The following WWOX variants were observed in gnomAD, a reference collection of about 807,000 sequenced individuals.
WWOX encodes the protein WW domain containing oxidoreductase, also known as WW domain-containing oxidoreductase.
Under a neutral mutation model 46.2 loss-of-function variants are expected in WWOX, and 69 were observed. The observed-to-expected ratio is 1.49, with a 90% CI of 1.23 to 1.82. The LOEUF (loss-of-function observed/expected upper bound fraction) is 1.82, where lower values mean the gene tolerates loss of function less well. Ranked by LOEUF, WWOX falls within the 40% of genes most tolerant of loss-of-function variation. The pLI, the probability that WWOX is intolerant of heterozygous loss-of-function variation, is 0.00. For synonymous variants in WWOX, 359 were observed against 202.6 expected, an observed-to-expected ratio of 1.77 and a Z score of -6.56; for missense variants, 919 against 542.6, an observed-to-expected ratio of 1.69 and a Z score of -6.89.
intron 8 of WWOX, among the ~76,000 whole-genome samples, chr16:78,457,033 G>C (rs1597111562): frequency 6.6e-6 from 1 of 152,204 alleles, no homozygotes; most frequent in South Asian, 2.1e-4. Context: ...TGGTTAATTT[G>C]ATGTTGAAAT....
chr16:78,326,910 A>G (rs993948928), intron 5 of WWOX, among the ~76,000 whole-genome samples: 3 of 152,278 alleles, frequency 2.0e-5, no homozygotes, highest in Admixed American at 6.5e-5. Flanking sequence ...GTTTCTCACC[A>G]TGGAGATGAC....
intron 8 of WWOX, among the ~76,000 whole-genome samples, chr16:78,835,282 C>A (rs968071257): frequency 9.9e-5 from 15 of 152,186 alleles, no homozygotes; most frequent in African/African-American, 3.6e-4. Context: ...CTATTTTAGT[C>A]TGTAGCTTTT....
At chr16:78,442,870 C>G (rs2083475129) in intron 8 of WWOX, among the ~76,000 whole-genome samples, 1 of 151,986 alleles carries the variant, frequency 6.6e-6, no homozygotes, top group Admixed American at 6.6e-5. Flanking sequence ...TGCCTGTAAT[C>G]CCAGCACTTT....
At chr16:78,559,180 A>T (rs933841764) in intron 8 of WWOX, among the ~76,000 whole-genome samples, 2 of 152,214 alleles carry the variant, frequency 1.3e-5, no homozygotes, top group Non-Finnish European at 2.9e-5. Flanking sequence ...TCTAGATCTT[A>T]CCCTGACAGT....
At chr16:78,698,984 T>A (rs2048156502) in intron 8 of WWOX, among the ~76,000 whole-genome samples, 1 of 152,226 alleles carries the variant, frequency 6.6e-6, no homozygotes, top group South Asian at 2.1e-4. Flanking sequence ...CAATGTGTTA[T>A]TCTAGAATAG....
chr16:79,050,874 A>G (rs1474166243), intron 8 of WWOX, among the ~76,000 whole-genome samples: 1 of 152,200 alleles, frequency 6.6e-6, no homozygotes, highest in Non-Finnish European at 1.5e-5. Context: ...AGGTGAGCTG[A>G]CAGTTATCCT....
intron 8 of WWOX, among the ~76,000 whole-genome samples, chr16:78,759,829 G>C (rs2049747066): frequency 6.6e-6 from 1 of 152,174 alleles, no homozygotes; most frequent in Non-Finnish European, 1.5e-5. Context: ...AAATCAAAAT[G>C]TTGGCAGGCC....
chr16:78,940,345 A>C (rs2045827066), intron 8 of WWOX, among the ~76,000 whole-genome samples: 2 of 152,242 alleles, frequency 1.3e-5, no homozygotes, highest in African/African-American at 4.8e-5. Context: ...AAGAAAAATA[A>C]ATATGCAAAA....
At chr16:78,689,285 C>A (rs1179654817) in intron 8 of WWOX, among the ~76,000 whole-genome samples, 1 of 152,252 alleles carries the variant, frequency 6.6e-6, no homozygotes, top group Non-Finnish European at 1.5e-5. Context: ...CACACACATG[C>A]TGTCTGCACG....
At chr16:78,154,411 G>A (rs1017520462) in intron 4 of WWOX, among the ~76,000 whole-genome samples, 7 of 150,482 alleles carry the variant, frequency 4.7e-5, no homozygotes, top group Non-Finnish European at 8.8e-5. Context: ...CACAGTTTTC[G>A]CTTGCTTCAT....
intron 8 of WWOX, among the ~76,000 whole-genome samples, chr16:78,812,093 T>C (rs562671315): frequency 6.6e-6 from 1 of 152,236 alleles, no homozygotes; most frequent in South Asian, 2.1e-4. Flanking sequence ...TCATTCTCTT[T>C]TGAACCCCAA....
intron 8 of WWOX, among the ~76,000 whole-genome samples, chr16:78,919,949 C>T (rs950865303): frequency 6.6e-6 from 1 of 152,278 alleles, no homozygotes; most frequent in African/African-American, 2.4e-5. Flanking sequence ...GAATAATAGA[C>T]TACCAAACAC....
intron 8 of WWOX, among the ~76,000 whole-genome samples, chr16:79,122,420 A>G (rs2049655366): frequency 6.6e-6 from 1 of 152,156 alleles, no homozygotes; most frequent in Non-Finnish European, 1.5e-5. Context: ...AGTGTGGAAA[A>G]GGTGTGGGCA....
At chr16:78,690,487 G>A (rs989650922) in intron 8 of WWOX, among the ~76,000 whole-genome samples, 2 of 152,144 alleles carry the variant, frequency 1.3e-5, no homozygotes, top group Non-Finnish European at 2.9e-5. Context: ...TGGACGTCAA[G>A]GCTGCAGTGG....
intron 8 of WWOX, among the ~76,000 whole-genome samples, chr16:78,542,004 T>A (rs959035802): frequency 1.1e-5 from 1 of 88,896 alleles, no homozygotes; most frequent in African/African-American, 3.7e-5. Flanking sequence ...AGGGTTTCTT[T>A]CAACAGAGTA....
At chr16:78,308,887 G>C (rs946256419) in intron 5 of WWOX, among the ~76,000 whole-genome samples, 4 of 152,002 alleles carry the variant, frequency 2.6e-5, no homozygotes, top group Non-Finnish European at 5.9e-5. Context: ...ACCTGATACG[G>C]TTTGGCCGCA....
intron 5 of WWOX, among the ~76,000 whole-genome samples, chr16:78,374,635 G>A (rs1056667182): frequency 1.4e-5 from 2 of 140,962 alleles, no homozygotes; most frequent in Non-Finnish European, 3.0e-5. Context: ...TGCAAGCTCC[G>A]CCTCCTCGGT....
rs202134889 is a variant in WWOX at position 78,837,744 on chromosome 16, T to C, written c.1057-373864T>C. Among the ~76,000 whole-genome samples the C allele has an allele frequency of 7.9e-5, 12 of 152,334 alleles. No homozygotes were observed. The East Asian group carries it at 2.3e-3, about 29-fold the overall frequency. On this transcript the variant is annotated intron_variant, in intron 8 of 8. Transcript: ENST00000566780. Reference sequence around the variant, plus strand: ...TCTATTTATTATTTTGACTTGGTAATTTGTAATAACAATAGCCACCATCTA... The same window carrying C: ...TCTATTTATTATTTTGACTTGGTAACTTGTAATAACAATAGCCACCATCTA...
intron 8 of WWOX, among the ~76,000 whole-genome samples, chr16:78,547,148 AAAAAAAAAAAAC>A (rs900425969): frequency 2.2e-5 from 2 of 90,386 alleles, no homozygotes; most frequent in African/African-American, 5.9e-5. Context: ...AAAAAAAAAA[AAAAAAAAAAAAC>A]AACTACCAGG....
Sources: allele counts gnomAD v4.1 joint callset (sites outside exome capture counted in the v4.1 genomes callset), GRCh38; gene constraint gnomAD v4.1.1; transcripts MANE v1.5; gene names NCBI Gene and HGNC (gene_info 2026-07-23, HGNC 2026-07-21).